ABCA7: variants seen among roughly 807,000 people sequenced by gnomAD.
ABCA7 encodes phospholipid-transporting ATPase ABCA7.
In ABCA7, 261 loss-of-function variants were observed where a neutral mutation model predicts 227.6. The ratio of observed to expected loss-of-function variants is 1.15; its 90% CI spans 1.04 to 1.27. The LOEUF (loss-of-function observed/expected upper bound fraction) is 1.27. Among genes scored for constraint, ABCA7 ranks in the 50% most tolerant of loss-of-function variants. ABCA7 has a pLI of 0.00. For synonymous variants in ABCA7, 1,488 were observed against 1,279.7 expected (o/e 1.16, Z -3.47); for missense variants, 3,331 against 2,924.5 (o/e 1.14, Z -3.21).
At chr19:1,045,383 T>TTAGAC (rs2040520520) in intron 12 of ABCA7, 152 bp downstream of exon 12, 6 of 808,054 alleles carry the variant, frequency 7.4e-6, no homozygotes, top group Non-Finnish European at 1.1e-5. Flanking sequence ...CCGGGGCTCC[T>TTAGAC]TAGACCAATA....
At position 1,062,325 on chromosome 19, in the gene ABCA7, T is replaced by G; in HGVS notation, c.5712+12T>G. 1 of 1,599,812 alleles carries G rather than the reference T, an allele frequency of 6.3e-7. No homozygotes were observed. Among genetic ancestry groups the G allele is most frequent in the Non-Finnish European group, 8.5e-7 (1 of 1,178,892 alleles). ...CCCAGGTTGCCCAGGTGAGCCCACTTTGTCCCCACCGCTCTCACCTCCCAG... is the reference window on the plus strand; with the variant it reads ...CCCAGGTTGCCCAGGTGAGCCCACTGTGTCCCCACCGCTCTCACCTCCCAG... On this transcript the variant is annotated intron_variant, in intron 42 of 46. Coordinates refer to ENST00000263094, the MANE Select transcript of ABCA7 (RefSeq NM_019112.4).
In ABCA7 at chr19:1,046,218, CCCCTCT is replaced by C; in HGVS notation, c.1446-10_1446-5del. On this transcript the variant is annotated splice_polypyrimidine_tract_variant and splice_region_variant and intron_variant, in intron 12 of 46. Transcript: ENST00000263094. The stretch of plus-strand genomic sequence containing the variant: ...CCCTTCCCTACAACCGGCCACCATG[CCCCTCT>C]CGCAGGTTTTGGGACCCTGGCCCAG... 1 of 1,605,194 alleles carries C rather than the reference CCCCTCT, an allele frequency of 6.2e-7. No individual in the cohort carries two copies. Among genetic ancestry groups the C allele is most frequent in the South Asian group, 1.1e-5 (1 of 90,982 alleles).
Position 1,058,944 on chromosome 19 carries a change from G to GGTGT in ABCA7, c.5400+6_5400+9dup, listed in dbSNP as rs777192094. The GGTGT allele has an allele frequency of 5.6e-6, 9 of 1,608,750 alleles. No individual in the cohort carries two copies. The East Asian group carries it at 1.6e-4, about 28-fold the overall frequency. On this transcript the variant is annotated splice_donor_region_variant and intron_variant, in intron 39 of 46. Coordinates refer to ENST00000263094, the MANE Select transcript of ABCA7 (RefSeq NM_019112.4). ...GGTGCTGAGGAACTTGACCAAGGTA[G>GGTGT]GTGTGGTCAGGTCGACTGCTGGGTG...
At chr19:1,041,665 G>A (rs2040051035) in intron 3 of ABCA7, 62 bp downstream of exon 3, 5 of 1,583,368 alleles carry the variant, frequency 3.2e-6, no homozygotes, top group South Asian at 1.1e-5. Context: ...GCTCACCCGT[G>A]CACAGGAATC....
intron 37 of ABCA7, 97 bp from the exon 38 acceptor site, chr19:1,058,521 G>C: frequency 1.3e-6 from 2 of 1,559,202 alleles, no homozygotes; most frequent in Admixed American, 2.1e-5. Flanking sequence ...TATCCAATTT[G>C]TGTTCCTTTC....
intron 34 of ABCA7, 28 bp from the exon 35 acceptor site, chr19:1,057,286 A>T (rs1174027641): frequency 6.2e-7 from 1 of 1,611,928 alleles, no homozygotes; most frequent in South Asian, 1.1e-5. Flanking sequence ...CTTTAGGCTG[A>T]TAAAGGTAAC....
At chr19:1,049,101 A>G in intron 17 of ABCA7, 96 bp downstream of exon 17, 1 of 975,408 alleles carries the variant, frequency 1.0e-6, no homozygotes, top group South Asian at 1.6e-5. Flanking sequence ...TGACCTGGAC[A>G]CCCCAACCCT....
chr19:1,046,751 G>GC lies in ABCA7; in HGVS notation c.1623-51_1623-50insC, dbSNP rs1358317656. The GC allele has an allele frequency of 6.7e-6, 10 of 1,502,222 alleles. No individual in the cohort carries two copies. The East Asian group carries it at 2.2e-4, about 33-fold the overall frequency. 93.1% of individuals were successfully genotyped at this position (1,502,222 alleles called of 1,614,324 possible). On this transcript the variant is annotated intron_variant, in intron 13 of 46. Transcript: ENST00000263094. ...CAGTCGTGCCAGATGGTGGGCGGAG[G>GC]GGGGGTCTGCGGAGGGTCTCCAGCC... is the stretch of plus-strand genomic sequence containing the variant.
chr19:1,042,582 T>A (rs1479808244), intron 6 of ABCA7, 164 bp from the exon 7 acceptor site: 1 of 1,007,724 alleles, frequency 9.9e-7, no homozygotes, highest in South Asian at 1.3e-5. Flanking sequence ...TGAGGAAGAC[T>A]CGTCTGTGAG....
Position 1,042,192 on chromosome 19 carries a change from G to A in ABCA7, c.415+16G>A, listed in dbSNP as rs1354733468. 2 of 1,601,128 alleles carry A rather than the reference G, an allele frequency of 1.2e-6. No homozygotes were observed. Among genetic ancestry groups the A allele is most frequent in the Non-Finnish European group, 1.7e-6 (2 of 1,178,356 alleles). Reference sequence around the variant, plus strand: ...CGCAGCACGGGTGAGGAGGCCGGGGGGCCTCTGGCAGGGCTGAGCTCTGAG... The same window carrying A: ...CGCAGCACGGGTGAGGAGGCCGGGGAGCCTCTGGCAGGGCTGAGCTCTGAG... On this transcript the variant is annotated intron_variant, in intron 5 of 46. Transcript: ENST00000263094.
In ABCA7 at chr19:1,058,060, G is replaced by T. The variant is rs111591170; in HGVS notation, c.5025+1G>T. The T allele has an allele frequency of 6.2e-7, 1 of 1,614,134 alleles. No individual in the cohort carries two copies. The highest frequency in any genetic ancestry group is 8.5e-7 in the Non-Finnish European group (1 of 1,180,038). On this transcript the variant is annotated splice_donor_variant, in intron 36 of 46. Transcript: ENST00000263094. LOFTEE classifies it high-confidence loss of function. The stretch of plus-strand genomic sequence containing the variant: ...TGTGCTTGAGCTCTTCTCTGATCAG[G>T]TGGGGCACCACGAGGCTGGGGCTTG...
At chr19:1,064,875 C>T in intron 45 of ABCA7, 56 bp from the exon 46 acceptor site, 1 of 1,518,538 alleles carries the variant, frequency 6.6e-7, no homozygotes, top group Non-Finnish European at 8.8e-7. Flanking sequence ...GGAGGGTGAG[C>T]TGAGGTGGGA....
At chr19:1,046,777 T>A in intron 13 of ABCA7, 25 bp from the exon 14 acceptor site, 1 of 1,531,928 alleles carries the variant, frequency 6.5e-7, no homozygotes, top group Non-Finnish European at 8.7e-7. Context: ...GTCTCCAGCC[T>A]CCACCCCAGC....
chr19:1,052,949 A>G (rs1267676478), intron 23 of ABCA7, among the ~76,000 whole-genome samples: 1 of 152,050 alleles, frequency 6.6e-6, no homozygotes, highest in Non-Finnish European at 1.5e-5. Flanking sequence ...GCTGTAGTGC[A>G]GTGGTGTGAT....
At position 1,046,256 on chromosome 19, in the gene ABCA7, A is replaced by G. The variant is rs1483281800; in HGVS notation, c.1472A>G (p.Asp491Gly). The G allele has an allele frequency of 1.9e-6, 3 of 1,606,782 alleles. No homozygotes were observed. Among genetic ancestry groups the G allele is most frequent in the Admixed American group, 1.7e-5 (1 of 59,948 alleles). ...TTTTGGGACCCTGGCCCAGCCGCGG[A>G]CCCCCTGACCGACCTGCGCTACGTG... ...DRFWDPGPAA[D>G]PLTDLRYVWG... The change falls in exon 13 of 47, where the codon GAC becomes GGC. Residue 491 changes from aspartate (D) to glycine (G), a missense_variant. Coordinates refer to ENST00000263094, the MANE Select transcript of ABCA7 (RefSeq NM_019112.4).
Position 1,052,108 on chromosome 19 carries a change from C to G in ABCA7, c.3129C>G (p.Pro1043=). 1 of 1,612,236 alleles carries G rather than the reference C, an allele frequency of 6.2e-7. No homozygotes were observed. Among genetic ancestry groups the G allele is most frequent in the South Asian group, 1.1e-5 (1 of 91,042 alleles). The change falls in exon 22 of 47, where the codon CCC becomes CCG. Residue 1043 remains proline, a synonymous_variant. Transcript: ENST00000263094. ...YYLTLVKARL[P]LTTNEKADTD... Reference sequence around the variant, plus strand: ...TGACGCTGGTGAAGGCCCGCCTGCCCCTGACCACCAATGAGAAGGTGGGGA... The same window carrying G: ...TGACGCTGGTGAAGGCCCGCCTGCCGCTGACCACCAATGAGAAGGTGGGGA...
At chr19:1,058,098 T>G in intron 36 of ABCA7, 39 bp downstream of exon 36, 3 of 1,613,842 alleles carry the variant, frequency 1.9e-6, no homozygotes, top group Middle Eastern at 1.7e-4. Flanking sequence ...CTGGGTTGGG[T>G]CGTTGGACTC....
intron 9 of ABCA7, 90 bp from the exon 10 acceptor site, chr19:1,043,635 C>G (rs1206977838): frequency 1.4e-5 from 21 of 1,518,290 alleles, no homozygotes; most frequent in Non-Finnish European, 1.8e-5. Flanking sequence ...GGATCAGAGG[C>G]ACACGCAGGA....
chr19:1,046,943 C>T lies in ABCA7; in HGVS notation c.1764C>T (p.Arg588=), dbSNP rs756506780. 2 of 1,567,502 alleles carry T rather than the reference C, an allele frequency of 1.3e-6. No individual in the cohort carries two copies. The highest frequency in any genetic ancestry group is 1.2e-5 in the South Asian group (1 of 86,542). ...RDTMRAMGLS[R]AVLWLGWFLS... ...CCATGCGCGCCATGGGGCTCAGCCG[C>T]GCGGTGCTCTGGCTAGGCTGGTTCC... is the stretch of plus-strand genomic sequence containing the variant. Residue 588 remains arginine (R), a synonymous_variant, in exon 14 of 47, where the codon CGC becomes CGT. Coordinates refer to ENST00000263094, the MANE Select transcript of ABCA7 (RefSeq NM_019112.4).
Sources: allele counts gnomAD v4.1 joint callset (sites outside exome capture counted in the v4.1 genomes callset), GRCh38; gene constraint gnomAD v4.1.1; transcripts MANE v1.5; gene names NCBI Gene and HGNC (gene_info 2026-07-23, HGNC 2026-07-21).